Variants in COLQ observed in about 807,000 individuals in gnomAD.
COLQ encodes collagen like tail subunit of asymmetric acetylcholinesterase.
A neutral mutation model predicts 69.0 loss-of-function variants in COLQ; 48 were observed. The observed-to-expected ratio is 0.70, with a 90% confidence interval of 0.55 to 0.88. COLQ has a LOEUF of 0.88. Ranked by LOEUF, COLQ falls within the 40% of genes least tolerant of loss-of-function variation. COLQ has a pLI of 0.00. For missense variants in COLQ, 618 were observed against 594.6 expected, an observed-to-expected ratio of 1.04 and a Z score of -0.41; for synonymous variants, 217 against 211.2, an observed-to-expected ratio of 1.03 and a Z score of -0.24.
At chr3:15,457,487 A>T (rs1335319372) in intron 13 of COLQ, among the ~76,000 whole-genome samples, 1 of 152,170 alleles carries the variant, frequency 6.6e-6, no homozygotes, top group Non-Finnish European at 1.5e-5. Context: ...AAGTTGGGTG[A>T]AGGGTACACA....
At chr3:15,452,485 G>C (rs903495705) in intron 16 of COLQ, among the ~76,000 whole-genome samples, 1 of 152,190 alleles carries the variant, frequency 6.6e-6, no homozygotes, top group African/African-American at 2.4e-5. Flanking sequence ...ATGATCATCC[G>C]AGACAGGGCG....
chr3:15,514,220 G>A (rs1026531989), intron 1 of COLQ, among the ~76,000 whole-genome samples: 1 of 152,190 alleles, frequency 6.6e-6, no homozygotes, highest in Non-Finnish European at 1.5e-5. Context: ...AAGCCACTAA[G>A]TTTATGATGA....
In COLQ at chr3:15,478,980, C is replaced by G. The variant is rs1347768509; in HGVS notation, c.390G>C (p.Arg130Ser). Residue 130 changes from arginine (R) to serine (S), a missense_variant, in exon 5 of 17, where the codon AGG (arginine) becomes AGC (serine). Transcript: ENST00000383788. Reference protein sequence around the residue: ...GEKGELGRPGRKGRPGPPGVP... With the variant: ...GEKGELGRPGSKGRPGPPGVP... The stretch of plus-strand genomic sequence containing the variant: ...CACAGAACAGCGCAGACCATACCTT[C>G]CTTCCTGGTCGGCCAAGCTCCCCCT... The G allele has an allele frequency of 6.2e-7, 1 of 1,614,194 alleles. No homozygotes were observed. Among genetic ancestry groups the G allele is most frequent in the Non-Finnish European group, 8.5e-7 (1 of 1,180,038 alleles).
intron 10 of COLQ, 46 bp from the exon 11 acceptor site, chr3:15,470,662 A>T (rs1559517859): frequency 3.2e-6 from 5 of 1,555,946 alleles, no homozygotes; most frequent in Non-Finnish European, 4.4e-6. Flanking sequence ...GGGCATGTGG[A>T]GTGGGCACAT....
intron 1 of COLQ, among the ~76,000 whole-genome samples, chr3:15,511,316 T>A (rs548520668): frequency 2.4e-4 from 37 of 152,194 alleles, no homozygotes; most frequent in Non-Finnish European, 5.3e-4. Context: ...CTCCATATGA[T>A]CTTCTACTGG....
rs191783699 is a variant in COLQ at position 15,515,793 on chromosome 3, G to A, written c.106+5727C>T. Among the ~76,000 whole-genome samples the A allele has an allele frequency of 2.4e-3, 369 of 152,248 alleles. 2 individuals carry two copies. Among genetic ancestry groups the A allele is most frequent in the African/African-American group, 8.5e-3 (353 of 41,552 alleles). ...TGCACTCCAGCCTGGGCAACAGGGC[G>A]AGACTCCGTCTCAAAAAAATCAAAA... On this transcript the variant is annotated intron_variant, in intron 1 of 16. Coordinates refer to ENST00000383788, the MANE Select transcript of COLQ (RefSeq NM_005677.4).
At chr3:15,470,717 G>A in intron 10 of COLQ, 101 bp from the exon 11 acceptor site, 2 of 1,107,244 alleles carry the variant, frequency 1.8e-6, no homozygotes, top group Non-Finnish European at 2.8e-6. Flanking sequence ...CAGTCTACTT[G>A]ATCATTCCGA....
chr3:15,513,532 A>G (rs1021199448), intron 1 of COLQ, among the ~76,000 whole-genome samples: 2 of 152,182 alleles, frequency 1.3e-5, no homozygotes, highest in Non-Finnish European at 1.5e-5. Flanking sequence ...TAAGGCCCCC[A>G]GTAGAATTGA....
chr3:15,488,182 A>G lies in COLQ; in HGVS notation c.321+24T>C, dbSNP rs1553637235. 4 of 1,553,258 alleles carry G rather than the reference A, an allele frequency of 2.6e-6. No individual in the cohort carries two copies. The East Asian group carries it at 6.7e-5, about 26-fold the overall frequency. ...CCTGCTCTAAACAGAAGACAGCGAG[A>G]GGGGTCCGGTAGAGTGCACCAACCT... On this transcript the variant is annotated intron_variant, in intron 3 of 16. Transcript: ENST00000383788.
intron 3 of COLQ, among the ~76,000 whole-genome samples, chr3:15,485,789 C>T (rs996257050): frequency 6.6e-6 from 1 of 152,146 alleles, no homozygotes; most frequent in Non-Finnish European, 1.5e-5. Context: ...GAGACCCTGT[C>T]TCTACAAAAT....
intron 16 of COLQ, among the ~76,000 whole-genome samples, chr3:15,453,609 T>C (rs2061980157): frequency 6.6e-6 from 1 of 152,092 alleles, no homozygotes; most frequent in African/African-American, 2.4e-5. Context: ...CAGGTGGCTG[T>C]GGGTGCCGTG....
chr3:15,511,021 G>A (rs567056943), intron 1 of COLQ, among the ~76,000 whole-genome samples: 1 of 152,272 alleles, frequency 6.6e-6, no homozygotes, highest in African/African-American at 2.4e-5. Flanking sequence ...ATGCTCAGAA[G>A]AGAAATACAC....
intron 1 of COLQ, chr3:15,498,369 G>T: frequency 2.5e-6 from 2 of 814,074 alleles, no homozygotes; most frequent in Non-Finnish European, 3.7e-6. Context: ...ACAGCCCTGT[G>T]AAAGAAAAAC....
chr3:15,509,214 GAGGACCTGCACT>G (rs1467782631), intron 1 of COLQ, among the ~76,000 whole-genome samples: 3 of 152,170 alleles, frequency 2.0e-5, no homozygotes, highest in African/African-American at 4.8e-5. Flanking sequence ...GACTGCCCAG[GAGGACCTGCACT>G]AGGCAGGCCT....
At chr3:15,491,842 G>A (rs567382638) in intron 1 of COLQ, among the ~76,000 whole-genome samples, 3 of 152,212 alleles carry the variant, frequency 2.0e-5, no homozygotes, top group Admixed American at 6.5e-5. Flanking sequence ...GGCAGATCAC[G>A]AGGTCAAGAG....
intron 1 of COLQ, among the ~76,000 whole-genome samples, chr3:15,503,920 G>C (rs886452467): frequency 6.6e-6 from 1 of 152,046 alleles, no homozygotes; most frequent in Admixed American, 6.6e-5. Flanking sequence ...GCCAGCTAAG[G>C]TTGGAACCAC....
At chr3:15,500,017 C>T (rs768502178) in intron 1 of COLQ, among the ~76,000 whole-genome samples, 12 of 152,188 alleles carry the variant, frequency 7.9e-5, no homozygotes, top group Middle Eastern at 6.8e-3. Context: ...AGAAGAGTGG[C>T]TAACATAGGG....
chr3:15,485,602 T>C (rs2062560566), intron 3 of COLQ, among the ~76,000 whole-genome samples: 1 of 152,164 alleles, frequency 6.6e-6, no homozygotes, highest in African/African-American at 2.4e-5. Context: ...TATCAGCACA[T>C]TACAATTCTC....
rs1284487347 is a variant in COLQ, at chr3:15,521,641, G to C, written c.-16C>G. 6.2e-7 allele frequency: 1 copy of C among 1,614,024 alleles called. No individual in the cohort carries two copies. The highest frequency in any genetic ancestry group is 1.7e-5 in the Admixed American group (1 of 60,028). ...GGACAACCATGCTGGCCAGGGTCTG[G>C]CGAGGGTCAAGTTAGAAAGGAGGCT... On this transcript the variant is annotated 5_prime_UTR_variant, in exon 1 of 17. Transcript: ENST00000383788.
Sources: gnomAD v4.1 joint callset for allele counts (sites outside exome capture counted in the v4.1 genomes callset) on GRCh38, gnomAD v4.1.1 for gene constraint, MANE v1.5 for transcripts, NCBI Gene and HGNC (gene_info 2026-07-23, HGNC 2026-07-21) for gene names.